The following SLC27A1 variants were observed in gnomAD, a reference collection of about 807,000 sequenced individuals.
The protein encoded by SLC27A1 is solute carrier family 27 member 1.
Under a neutral mutation model 62.2 loss-of-function variants are expected in SLC27A1, and 61 were observed. That is an observed-to-expected ratio of 0.98 (90% CI 0.80 to 1.21). The LOEUF (loss-of-function observed/expected upper bound fraction) is 1.21. Ranked by LOEUF, SLC27A1 falls within the 50% of genes most tolerant of loss-of-function variation. The pLI is 0.00. For missense variants in SLC27A1, 903 were observed against 932.1 expected (o/e 0.97, Z 0.41); for synonymous variants, 435 against 408.6 (o/e 1.06, Z -0.78).
chr19:17,496,805 CT>C, intron 6 of SLC27A1: 1 of 158,056 alleles, frequency 6.3e-6, no homozygotes, highest in Non-Finnish European at 1.4e-5. Flanking sequence ...GAATCTCACA[CT>C]TTGGGAGGCT....
At chr19:17,495,928 G>C (rs1214501336) in intron 6 of SLC27A1, 2 of 152,526 alleles carry the variant, frequency 1.3e-5, no homozygotes, top group Non-Finnish European at 2.9e-5. Context: ...CGTTTGAGCT[G>C]AGACTGAAGA....
At chr19:17,502,541 A>G (rs1482310286) in intron 11 of SLC27A1, among the ~76,000 whole-genome samples, 1 of 150,290 alleles carries the variant, frequency 6.7e-6, no homozygotes, top group Non-Finnish European at 1.5e-5. Flanking sequence ...TTTAGTAGAG[A>G]TCGAGTTTTA....
At chr19:17,488,448 G>A (rs961921474) in intron 4 of SLC27A1, among the ~76,000 whole-genome samples, 4 of 151,984 alleles carry the variant, frequency 2.6e-5, no homozygotes, top group Admixed American at 6.6e-5. Context: ...CCTTCACCCC[G>A]TACTCACTCC....
intron 11 of SLC27A1, among the ~76,000 whole-genome samples, chr19:17,503,931 C>CAAAAA (rs749427478): frequency 1.9e-5 from 1 of 53,314 alleles, no homozygotes; most frequent in African/African-American, 7.1e-5. Flanking sequence ...GACTATGTCT[C>CAAAAA]AAAAAAAAAA....
intron 3 of SLC27A1, 46 bp downstream of exon 3, chr19:17,487,381 C>G (rs766514923): frequency 6.5e-7 from 1 of 1,545,476 alleles, no homozygotes; most frequent in South Asian, 1.2e-5. Flanking sequence ...GTTTCCTACC[C>G]GCCCAGGCCC....
At chr19:17,481,016 C>G (rs954493643) in intron 1 of SLC27A1, among the ~76,000 whole-genome samples, 5 of 151,794 alleles carry the variant, frequency 3.3e-5, no homozygotes, top group Non-Finnish European at 5.9e-5. Flanking sequence ...ACCTCTGCCT[C>G]CCGGGTTCAA....
At position 17,501,362 on chromosome 19, in the gene SLC27A1, C is replaced by A; in HGVS notation, c.1726C>A (p.Leu576Met). The A allele has an allele frequency of 6.2e-7, 1 of 1,613,972 alleles. No homozygotes were observed. The highest frequency in any genetic ancestry group is 8.5e-7 in the Non-Finnish European group (1 of 1,179,980). ...NAIYQELQKV[L>M]APYARPIFLR... ...GATATACCAGGAGCTGCAGAAGGTG[C>A]TGGCACCCTATGCCCGGCCCATCTT... The change falls in exon 11 of 12, where the codon CTG becomes ATG. Residue 576 changes from leucine to methionine, a missense_variant. Physicochemically the swap from Leu to Met is conservative, Grantham distance 15. Coordinates refer to ENST00000252595, the MANE Select transcript of SLC27A1 (RefSeq NM_198580.3).
At chr19:17,481,606 C>T (rs2075179122) in intron 1 of SLC27A1, among the ~76,000 whole-genome samples, 1 of 152,188 alleles carries the variant, frequency 6.6e-6, no homozygotes, top group Non-Finnish European at 1.5e-5. Context: ...TGGGCTCAAG[C>T]GATCCTCCTG....
chr19:17,468,931 TC>T, upstream of SLC27A1: 1 of 152,380 alleles, frequency 6.6e-6, no homozygotes, highest in Non-Finnish European at 1.5e-5. Context: ...AACAGAAAGG[TC>T]CCCGGCCTCA....
At chr19:17,503,933 A>C (rs1434745719) in intron 11 of SLC27A1, among the ~76,000 whole-genome samples, 1 of 45,592 alleles carries the variant, frequency 2.2e-5, no homozygotes. Flanking sequence ...CTATGTCTCA[A>C]AAAAAAAAAA....
rs1221324202 is a variant in SLC27A1, at chr19:17,477,240, C to CTTTTTTTTTTTTTTTT, written c.167+6542_167+6557dup. Among the ~76,000 whole-genome samples the CTTTTTTTTTTTTTTTT allele has an allele frequency of 1.9e-3, 83 of 43,816 alleles. 25 individuals carry two copies. Among genetic ancestry groups the CTTTTTTTTTTTTTTTT allele is most frequent in the Non-Finnish European group, 2.5e-3 (61 of 24,866 alleles). 28.7% of individuals were successfully genotyped at this position (43,816 alleles called of 152,430 possible). On this transcript the variant is annotated intron_variant, in intron 1 of 11. Coordinates refer to ENST00000252595, the MANE Select transcript of SLC27A1 (RefSeq NM_198580.3). ...TTATTGGTTGAATGGATGAGCAGCG[C>CTTTTTTTTTTTTTTTT]TTTTTTTTTTTTTTTTTTTTTTTTG...
intron 3 of SLC27A1, 46 bp downstream of exon 3, chr19:17,487,381 C>A (rs766514923): frequency 1.3e-6 from 2 of 1,545,466 alleles, no homozygotes; most frequent in Non-Finnish European, 1.7e-6. Flanking sequence ...GTTTCCTACC[C>A]GCCCAGGCCC....
In SLC27A1 at chr19:17,486,636, A is replaced by T; in HGVS notation, c.241A>T (p.Ile81Phe). 1 of 1,603,568 alleles carries T rather than the reference A, an allele frequency of 6.2e-7. No homozygotes were observed. Among genetic ancestry groups the T allele is most frequent in the South Asian group, 1.1e-5 (1 of 90,622 alleles). Residue 81 changes from isoleucine (I) to phenylalanine (F), a missense_variant, in exon 2 of 12, where the codon ATC becomes TTC. By Grantham distance (21) the Ile-to-Phe change is conservative (BLOSUM62 0). Coordinates refer to ENST00000252595, the MANE Select transcript of SLC27A1 (RefSeq NM_198580.3). The surrounding 1 kb of genome is among the most constrained non-coding windows in gnomAD (Gnocchi z 6.6). ...HQRAGHTIPRIFQAVVQRQPE... is the reference protein window; with the variant it reads ...HQRAGHTIPRFFQAVVQRQPE... The stretch of plus-strand genomic sequence containing the variant: ...GCGTGCCGGCCACACCATCCCGCGC[A>T]TCTTTCAGGCGGTAGTGCAGCGACA...
rs191612284 is a variant in SLC27A1, at chr19:17,499,094, A to G, written c.1207-1184A>G. ...GGCCCTCCACAAGAGGTGGAGGAGTAGAGTCTTCTCTAAACTCCCCGGGGG... is the reference window on the plus strand; with the variant it reads ...GGCCCTCCACAAGAGGTGGAGGAGTGGAGTCTTCTCTAAACTCCCCGGGGG... On this transcript the variant is annotated intron_variant, in intron 7 of 11. Coordinates refer to ENST00000252595, the MANE Select transcript of SLC27A1 (RefSeq NM_198580.3). The G allele has an allele frequency of 2.9e-3, 515 of 179,806 alleles. 6 individuals are homozygous for G. Among genetic ancestry groups the G allele is most frequent in the African/African-American group, 0.012 (501 of 41,918 alleles). The allele number at this position is 179,806 out of a possible 1,614,324, so 11.1% of individuals were successfully genotyped here. A position where few individuals can be genotyped will look rare whatever the true frequency, so the allele number is the denominator to read the frequency against.
intron 6 of SLC27A1, among the ~76,000 whole-genome samples, chr19:17,494,081 C>T (rs1455384804): frequency 1.3e-5 from 2 of 149,096 alleles, no homozygotes; most frequent in Admixed American, 1.3e-4. Context: ...TGCAGTGGCG[C>T]AATCTTGGCT....
At chr19:17,470,360 T>G (rs1453868758), upstream of SLC27A1, 1 of 700,854 alleles carries the variant, frequency 1.4e-6, no homozygotes, top group Non-Finnish European at 2.1e-6. Context: ...CCTGAGGAGT[T>G]GACCAATCCC....
chr19:17,471,509 C>T (rs73923971), intron 1 of SLC27A1, among the ~76,000 whole-genome samples: 3,093 of 151,944 alleles, frequency 0.02, 100 homozygotes, highest in African/African-American at 0.069. Context: ...CTTGCTCAAA[C>T]GAGCCGTTGG....
intron 6 of SLC27A1, 125 bp downstream of exon 6, chr19:17,489,242 G>T (rs1599657186): frequency 2.7e-6 from 2 of 751,014 alleles, no homozygotes; most frequent in African/African-American, 1.7e-5. Flanking sequence ...CCTCCTCCTG[G>T]TCAGGTCCCG....
At chr19:17,476,222 A>G (rs866949630) in intron 1 of SLC27A1, among the ~76,000 whole-genome samples, 47 of 152,134 alleles carry the variant, frequency 3.1e-4, no homozygotes, top group African/African-American at 1.1e-3. Context: ...GGAAGCCCTT[A>G]GAGCAGAATT....
Sources: allele counts gnomAD v4.1 joint callset (sites outside exome capture counted in the v4.1 genomes callset), GRCh38; gene constraint gnomAD v4.1.1; non-coding constraint Gnocchi (gnomAD v3.1); transcripts MANE v1.5; gene names NCBI Gene and HGNC (gene_info 2026-07-23, HGNC 2026-07-21).